The following RIN3 variants were observed in gnomAD, a reference collection of about 807,000 sequenced individuals.
The protein encoded by RIN3 is RAB5 interacting protein 3.
RIN3 carries 54 observed loss-of-function variants against 76.3 expected under a neutral mutation model. The observed-to-expected ratio is 0.71, with a 90% confidence interval of 0.57 to 0.89. RIN3 has a LOEUF of 0.89. Among genes scored for constraint, RIN3 ranks in the 40% least tolerant of loss-of-function variants. RIN3 has a pLI of 0.00. For synonymous variants in RIN3, 576 were observed against 564.0 expected (o/e 1.02, Z -0.30); for missense variants, 1,256 against 1,322.1 (o/e 0.95, Z 0.78).
chr14:92,596,715 C>T (rs904979359), intron 3 of RIN3, among the ~76,000 whole-genome samples: 3 of 152,138 alleles, frequency 2.0e-5, no homozygotes, highest in African/African-American at 4.8e-5. Context: ...ATGTTCATTG[C>T]GAAGTACCAG....
At chr14:92,666,302 G>A (rs1888101491) in intron 7 of RIN3, among the ~76,000 whole-genome samples, 1 of 152,212 alleles carries the variant, frequency 6.6e-6, no homozygotes, top group Non-Finnish European at 1.5e-5. Flanking sequence ...AGCGAGGAAA[G>A]GGGTAAACAT....
intron 7 of RIN3, among the ~76,000 whole-genome samples, chr14:92,671,428 T>C (rs1175877173): frequency 2.0e-5 from 3 of 151,916 alleles, no homozygotes; most frequent in Admixed American, 1.3e-4. Context: ...GGGAGGGTGA[T>C]GGAGGCAGAA....
At chr14:92,680,044 A>G (rs1426466567) in intron 8 of RIN3, among the ~76,000 whole-genome samples, 1 of 152,176 alleles carries the variant, frequency 6.6e-6, no homozygotes, top group Non-Finnish European at 1.5e-5. Context: ...CTTTGGAACC[A>G]TGGAAATGTA....
chr14:92,606,208 A>G lies in RIN3; in HGVS notation c.368-9199A>G, dbSNP rs1307017406. On this transcript the variant is annotated intron_variant, in intron 3 of 9. Coordinates refer to ENST00000216487, the MANE Select transcript of RIN3 (RefSeq NM_024832.5). ...ACAGAATGGGAGAAAACATTTGCAA[A>G]TCACATATCTGACAAAAAATGTGCA... 2.6e-5 allele frequency among the ~76,000 whole-genome samples: 4 copies of G among 152,168 alleles called. No homozygotes were observed. The East Asian group carries it at 7.7e-4, about 29-fold the overall frequency.
At chr14:92,627,268 T>A (rs1443488291) in intron 4 of RIN3, among the ~76,000 whole-genome samples, 1 of 152,232 alleles carries the variant, frequency 6.6e-6, no homozygotes, top group African/African-American at 2.4e-5. Flanking sequence ...TCAACCCCCA[T>A]TAATGGAGGT....
chr14:92,651,540 C>T (rs1217366936), intron 5 of RIN3, 42 bp from the exon 6 acceptor site: 2 of 1,491,768 alleles, frequency 1.3e-6, no homozygotes, highest in East Asian at 4.5e-5. Flanking sequence ...ACACCTAGTC[C>T]CTGGCACAGA....
At chr14:92,550,344 T>C (rs1397449272) in intron 1 of RIN3, among the ~76,000 whole-genome samples, 1 of 152,234 alleles carries the variant, frequency 6.6e-6, no homozygotes, top group African/African-American at 2.4e-5. Flanking sequence ...CATGAAATTT[T>C]CCCAGTAACC....
chr14:92,576,225 C>T, intron 2 of RIN3: 1 of 1,274,664 alleles, frequency 7.8e-7, no homozygotes, highest in Non-Finnish European at 1.0e-6. Context: ...CCTGCCAAGA[C>T]TCAAAGGACA....
intron 3 of RIN3, among the ~76,000 whole-genome samples, chr14:92,585,194 G>A (rs1469348269): frequency 6.6e-6 from 1 of 151,988 alleles, no homozygotes; most frequent in East Asian, 1.9e-4. Context: ...TTTATTTTTT[G>A]TAGAGATGGG....
At chr14:92,574,273 G>A (rs1330128474) in intron 2 of RIN3, among the ~76,000 whole-genome samples, 1 of 152,228 alleles carries the variant, frequency 6.6e-6, no homozygotes, top group East Asian at 1.9e-4. Flanking sequence ...GATTTACATA[G>A]AGTACCAGAG....
chr14:92,674,951 G>T (rs1050621618), intron 7 of RIN3, among the ~76,000 whole-genome samples: 1 of 151,402 alleles, frequency 6.6e-6, no homozygotes, highest in Non-Finnish European at 1.5e-5. Flanking sequence ...TGCTTGCCAT[G>T]AGCTGCACCT....
intron 5 of RIN3, 131 bp from the exon 6 acceptor site, chr14:92,651,449 CAA>C: frequency 6.7e-6 from 3 of 446,772 alleles, no homozygotes; most frequent in Non-Finnish European, 7.3e-6. Context: ...AAAACAACCT[CAA>C]CCTCGGAGTA....
At chr14:92,516,624 C>A (rs952847166) in intron 1 of RIN3, among the ~76,000 whole-genome samples, 13 of 152,166 alleles carry the variant, frequency 8.5e-5, no homozygotes, top group South Asian at 2.1e-4. Flanking sequence ...CCTGCCCCCC[C>A]ACCCCGAGAA....
intron 7 of RIN3, among the ~76,000 whole-genome samples, chr14:92,675,807 C>T (rs1888439269): frequency 6.6e-6 from 1 of 152,230 alleles, no homozygotes; most frequent in African/African-American, 2.4e-5. Flanking sequence ...ACCCACCTTC[C>T]ACCCTCCTTC....
chr14:92,632,142 C>T (rs1191971847), intron 4 of RIN3, among the ~76,000 whole-genome samples: 1 of 152,138 alleles, frequency 6.6e-6, no homozygotes, highest in East Asian at 1.9e-4. Context: ...TAAAGTAAAC[C>T]TGGGGCCACT....
chr14:92,613,556 G>T (rs1451330586), intron 3 of RIN3, among the ~76,000 whole-genome samples: 3 of 152,164 alleles, frequency 2.0e-5, no homozygotes, highest in Non-Finnish European at 4.4e-5. Flanking sequence ...CAACATGTTG[G>T]TTCGCGTATC....
intron 3 of RIN3, among the ~76,000 whole-genome samples, chr14:92,597,694 C>T (rs1055055658): frequency 6.6e-6 from 1 of 152,088 alleles, no homozygotes; most frequent in Non-Finnish European, 1.5e-5. Context: ...CTCAGAATTC[C>T]GTTCTTATAT....
intron 7 of RIN3, among the ~76,000 whole-genome samples, chr14:92,660,514 T>C (rs894491222): frequency 6.6e-6 from 1 of 152,210 alleles, no homozygotes. Context: ...TGGGGATGAC[T>C]GAGCCACGAG....
At chr14:92,600,148 T>A (rs1885293337) in intron 3 of RIN3, among the ~76,000 whole-genome samples, 1 of 152,154 alleles carries the variant, frequency 6.6e-6, no homozygotes, top group Non-Finnish European at 1.5e-5. Flanking sequence ...TAGACAAAGA[T>A]GAGGAAGATG....
Sources: gnomAD v4.1 joint callset for allele counts (sites outside exome capture counted in the v4.1 genomes callset) on GRCh38, gnomAD v4.1.1 for gene constraint, MANE v1.5 for transcripts, NCBI Gene and HGNC (gene_info 2026-07-23, HGNC 2026-07-21) for gene names.